The following NOTCH2NLB variants were observed in gnomAD, a reference collection of about 807,000 sequenced individuals.
The protein encoded by NOTCH2NLB is notch homolog 2 N-terminal-like protein B.
NOTCH2NLB carries 1 observed loss-of-function variant against 14.8 expected under a neutral mutation model. The observed-to-expected ratio is 0.07, with a 90% CI of 0.02 to 0.32. NOTCH2NLB has a LOEUF of 0.32. Ranked by LOEUF, NOTCH2NLB falls within the 10% of genes least tolerant of loss-of-function variation. The probability of loss-of-function intolerance (pLI) is 1.00; values close to 1 mark genes in which losing one functional copy is unlikely to be tolerated. For synonymous variants in NOTCH2NLB, 6 were observed against 57.5 expected (o/e 0.10, Z 4.05); for missense variants, 11 against 155.0 (o/e 0.07, Z 4.93).
intron 2 of NOTCH2NLB, among the ~76,000 whole-genome samples, chr1:148,634,338 CA>C (rs1375999175): frequency 6.7e-6 from 1 of 149,818 alleles, no homozygotes; most frequent in African/African-American, 2.4e-5. Context: ...AGTAATTTAA[CA>C]GTTGATATTT....
At chr1:148,655,567 T>TA (rs1196142501) in intron 1 of NOTCH2NLB, among the ~76,000 whole-genome samples, 337 of 890 alleles carry the variant, frequency 0.38, 15 homozygotes, top group African/African-American at 0.51. Flanking sequence ...GGAAAGACTT[T>TA]AAAAAAAAAA....
the NOTCH2NLB span, among the ~76,000 whole-genome samples, chr1:148,707,781 CAA>C: frequency 7.3e-6 from 1 of 136,094 alleles, no homozygotes; most frequent in Non-Finnish European, 1.6e-5. Flanking sequence ...GACCCCCTCT[CAA>C]AAAAAAAAAA....
chr1:148,680,019 T>G (rs1664909932), upstream of NOTCH2NLB, among the ~76,000 whole-genome samples: 1 of 42,470 alleles, frequency 2.4e-5, no homozygotes, highest in African/African-American at 7.2e-5. Flanking sequence ...GCTTGACCAG[T>G]GCAGAAGGGG....
intron 2 of NOTCH2NLB, among the ~76,000 whole-genome samples, chr1:148,628,315 T>C (rs1431527298): frequency 2.4e-5 from 3 of 123,286 alleles, no homozygotes; most frequent in African/African-American, 3.8e-5. Context: ...CTAGATTCTG[T>C]AGTGACTGCC....
At chr1:148,651,254 A>C (rs1288049436) in intron 1 of NOTCH2NLB, among the ~76,000 whole-genome samples, 2 of 91,098 alleles carry the variant, frequency 2.2e-5, no homozygotes. Context: ...CAGACATACA[A>C]CTATGTCCCA....
rs1466957609 is a variant in NOTCH2NLB at position 148,622,263 on chromosome 1, A to G, written c.78-6313T>C. Among the ~76,000 whole-genome samples, 23 of 105,118 alleles carry G rather than the reference A, an allele frequency of 2.2e-4. 1 individual carries two copies. The highest frequency in any genetic ancestry group is 8.7e-4 in the African/African-American group (19 of 21,738). The allele number at this position is 105,118 out of a possible 152,430, so 69.0% of individuals were successfully genotyped here. A position where few individuals can be genotyped will look rare whatever the true frequency, so the allele number is the denominator to read the frequency against. Reference sequence around the variant, plus strand: ...CGGGCGCCTGTAGTCCCAGCTACTCAGGAGGCTGAGGCAGGAGAATGGCAT... The same window carrying G: ...CGGGCGCCTGTAGTCCCAGCTACTCGGGAGGCTGAGGCAGGAGAATGGCAT... On this transcript the variant is annotated intron_variant, in intron 2 of 4. Coordinates refer to ENST00000593495, the Ensembl canonical transcript of NOTCH2NLB.
chr1:148,638,852 C>T (rs1400091139), intron 2 of NOTCH2NLB, among the ~76,000 whole-genome samples: 4 of 146,490 alleles, frequency 2.7e-5, no homozygotes, highest in African/African-American at 7.7e-5. Flanking sequence ...ACTTAAAATG[C>T]TTACTAAGCA....
chr1:148,610,323 GAGAAAGAAAGAAAGAAAGAAAGAA>G (rs1294416962), intron 3 of NOTCH2NLB, among the ~76,000 whole-genome samples: 10 of 45,562 alleles, frequency 2.2e-4, no homozygotes. Flanking sequence ...GAGAAAGAGA[GAGAAAGAAAGAAAGAAAGAAAGAA>G]AGAAAGAAAG....
chr1:148,651,182 T>C (rs1381637308), intron 1 of NOTCH2NLB, among the ~76,000 whole-genome samples: 1 of 130,848 alleles, frequency 7.6e-6, no homozygotes, highest in Non-Finnish European at 1.6e-5. Flanking sequence ...TATATATATA[T>C]ATATATATAT....
chr1:148,679,747 G>A lies in NOTCH2NLB; in HGVS notation c.-283C>T. On this transcript the variant is annotated 5_prime_UTR_variant, in exon 1 of 5. Coordinates refer to ENST00000593495, the Ensembl canonical transcript of NOTCH2NLB. ...CGCCTCAGCCGCCCGAAGTTTGGCT[G>A]AAACTTTCTCGGGTGTGCAGCGAAG... is the stretch of plus-strand genomic sequence containing the variant. 1.1e-6 allele frequency: 1 copy of A among 929,232 alleles called. No individual in the cohort carries two copies. Among genetic ancestry groups the A allele is most frequent in the Non-Finnish European group, 1.4e-6 (1 of 730,924 alleles). The allele number at this position is 929,232 out of a possible 1,614,324, so 57.6% of individuals were successfully genotyped here.
intron 1 of NOTCH2NLB, among the ~76,000 whole-genome samples, chr1:148,647,653 G>GA (rs1487868234): frequency 0.027 from 12 of 440 alleles, no homozygotes; most frequent in Middle Eastern, 0.17. Flanking sequence ...ATCAAGCCAT[G>GA]AAAAAAAAAT....
chr1:148,605,269 T>G (rs1308038591), downstream of NOTCH2NLB, among the ~76,000 whole-genome samples: 3 of 136,658 alleles, frequency 2.2e-5, no homozygotes, highest in Non-Finnish European at 4.7e-5. Context: ...CAAACTTCAG[T>G]TACTTCATGT....
At position 148,625,884 on chromosome 1, in the gene NOTCH2NLB, CT is replaced by C. The variant is rs1320241704; in HGVS notation, c.78-9935del. On this transcript the variant is annotated intron_variant, in intron 2 of 4. Coordinates refer to ENST00000593495, the Ensembl canonical transcript of NOTCH2NLB. ...TTCCTGCCCCCCTACTCTGTCCCCC[CT>C]GTTAAAGTAGATAAAAATAATTGCT... Among the ~76,000 whole-genome samples the C allele has an allele frequency of 7.0e-4, 50 of 71,616 alleles. 1 individual carries two copies. The highest frequency in any genetic ancestry group is 2.5e-5 in the Non-Finnish European group (1 of 39,888). The allele number at this position is 71,616 out of a possible 152,430, so 47.0% of individuals were successfully genotyped here.
chr1:148,651,162 A>AAATAT (rs1553341433), intron 1 of NOTCH2NLB, among the ~76,000 whole-genome samples: 1 of 46,024 alleles, frequency 2.2e-5, no homozygotes, highest in East Asian at 9.1e-4. Flanking sequence ...AAAAAAAAAA[A>AAATAT]ATATATATAT....
At chr1:148,693,096 C>G in the NOTCH2NLB span, among the ~76,000 whole-genome samples, 9 of 117,350 alleles carry the variant, frequency 7.7e-5, 1 homozygote, top group East Asian at 2.6e-4. Flanking sequence ...CCGCCCCCCC[C>G]CCCCCACCAT....
chr1:148,622,731 A>G (rs1663915143), intron 2 of NOTCH2NLB, among the ~76,000 whole-genome samples: 1 of 68,178 alleles, frequency 1.5e-5, no homozygotes, highest in African/African-American at 1.6e-4. Context: ...AAATACTACT[A>G]TGTGCTATGG....
chr1:148,670,570 A>ATG (rs1664755974), intron 1 of NOTCH2NLB, among the ~76,000 whole-genome samples: 1 of 139,286 alleles, frequency 7.2e-6, no homozygotes, highest in African/African-American at 2.5e-5. Flanking sequence ...ATATATATAT[A>ATG]TATATATAAA....
chr1:148,702,274 C>G, the NOTCH2NLB span, among the ~76,000 whole-genome samples: 43 of 150,968 alleles, frequency 2.8e-4, no homozygotes, highest in African/African-American at 9.5e-4. Context: ...ACAATAATAA[C>G]AGCAAACCAC....
intron 1 of NOTCH2NLB, among the ~76,000 whole-genome samples, chr1:148,670,535 A>ACAT (rs1347581270): frequency 8.3e-5 from 5 of 60,522 alleles, no homozygotes; most frequent in Non-Finnish European, 1.5e-4. Context: ...AAACTAAAAA[A>ACAT]AAAAATATAT....
Sources: gnomAD v4.1 joint callset for allele counts (sites outside exome capture counted in the v4.1 genomes callset) on GRCh38, gnomAD v4.1.1 for gene constraint, MANE v1.5 for transcripts, NCBI Gene and HGNC (gene_info 2026-07-23, HGNC 2026-07-21) for gene names.